The following RPH3AL variants were observed in gnomAD, a reference collection of about 807,000 sequenced individuals.
RPH3AL encodes rab effector Noc2.
In RPH3AL, 38 loss-of-function variants were observed where a neutral mutation model predicts 43.1. That is an observed-to-expected ratio of 0.88 (90% confidence interval 0.68 to 1.15). The LOEUF is 1.15. Ranked by LOEUF, RPH3AL falls within the 50% of genes most tolerant of loss-of-function variation. The probability of loss-of-function intolerance (pLI) is 0.00; values close to 1 mark genes in which losing one functional copy is unlikely to be tolerated. For missense variants in RPH3AL, 462 were observed against 423.2 expected (o/e 1.09, Z -0.81); for synonymous variants, 189 against 176.3 (o/e 1.07, Z -0.57).
intron 6 of RPH3AL, among the ~76,000 whole-genome samples, chr17:263,775 G>T (rs555839893): frequency 6.6e-6 from 1 of 152,178 alleles, no homozygotes; most frequent in African/African-American, 2.4e-5. Context: ...GTGAAGTTAC[G>T]GTTAGTTTGA....
chr17:334,230 G>A (rs151179656), intron 1 of RPH3AL, among the ~76,000 whole-genome samples: 33 of 152,346 alleles, frequency 2.2e-4, no homozygotes, highest in African/African-American at 7.0e-4. Flanking sequence ...GGAGAACCGC[G>A]GCTCGACCCT....
rs185690097 is a variant in RPH3AL, at chr17:345,774, C to T, written c.-213+6938G>A. Among the ~76,000 whole-genome samples, 104 of 129,230 alleles carry T rather than the reference C, an allele frequency of 8.0e-4. 24 individuals are homozygous for T. In the East Asian group the frequency reaches 0.018, roughly 23 times the overall value. The allele number at this position is 129,230 out of a possible 152,430, so 84.8% of individuals were successfully genotyped here. A position where few individuals can be genotyped will look rare whatever the true frequency, so the allele number is the denominator to read the frequency against. ...TCTGCGTGCACACCCTGCTGGGGCA[C>T]GCGTGCTCCCCATCTGCATGCACAC... On this transcript the variant is annotated intron_variant, in intron 1 of 9. Coordinates refer to ENST00000331302, the MANE Select transcript of RPH3AL (RefSeq NM_006987.4).
chr17:260,518 C>T (rs1048427529), intron 6 of RPH3AL, among the ~76,000 whole-genome samples: 1 of 152,210 alleles, frequency 6.6e-6, no homozygotes. Context: ...GAGACCTCGC[C>T]TTCAAGGGAG....
chr17:324,553 G>GTTCTCA lies in RPH3AL; in HGVS notation c.77+2913_77+2914insTGAGAA, dbSNP rs552914831. The stretch of plus-strand genomic sequence containing the variant: ...CGCCCTCGTCTCTCAGCTCACCAGT[G>GTTCTCA]GCTCCCTTGTGTTCTAGGCTTCGTG... On this transcript the variant is annotated intron_variant, in intron 3 of 9. Coordinates refer to ENST00000331302, the MANE Select transcript of RPH3AL (RefSeq NM_006987.4). Among the ~76,000 whole-genome samples, 10 of 152,280 alleles carry GTTCTCA rather than the reference G, an allele frequency of 6.6e-5. No individual in the cohort carries two copies. In the South Asian group the frequency reaches 2.1e-3, roughly 32 times the overall value.
intron 6 of RPH3AL, among the ~76,000 whole-genome samples, chr17:253,571 AC>A (rs2041971853): frequency 6.6e-6 from 1 of 152,072 alleles, no homozygotes; most frequent in Admixed American, 6.5e-5. Context: ...CTGAAGTGCA[AC>A]CCATCTCCAG....
rs2151544507 is a variant in RPH3AL at position 246,869 on chromosome 17, G to C, written c.613+242C>G. 6.6e-6 allele frequency among the ~76,000 whole-genome samples: 1 copy of C among 152,390 alleles called. No homozygotes were observed. Among genetic ancestry groups the C allele is most frequent in the Non-Finnish European group, 1.5e-5 (1 of 68,038 alleles). ...TGCCCCCAGAGCAGTACTTGTATGT[G>C]ATACTGCCCCCCGTGGGCCCTCCCG... On this transcript the variant is annotated intron_variant, in intron 7 of 9. Coordinates refer to ENST00000331302, the MANE Select transcript of RPH3AL (RefSeq NM_006987.4). This position sits in a 1 kb window ranked among gnomAD's most constrained non-coding sequence, Gnocchi z 4.8.
At chr17:273,014 A>AGGGCGACGT (rs2042534371) in intron 6 of RPH3AL, among the ~76,000 whole-genome samples, 1 of 118,284 alleles carries the variant, frequency 8.5e-6, no homozygotes, top group Non-Finnish European at 2.0e-5. Context: ...AGCGAGGGCG[A>AGGGCGACGT]CATCAGGAAG....
At chr17:231,974 A>G (rs9674571) in intron 7 of RPH3AL, among the ~76,000 whole-genome samples, 25,334 of 152,300 alleles carry the variant, frequency 0.17, 2,495 homozygotes, top group Non-Finnish European at 0.22. Context: ...GGAAAGCAAC[A>G]GCGGCTCATT....
At chr17:352,066 G>T (rs1292003710) in intron 1 of RPH3AL, among the ~76,000 whole-genome samples, 1 of 152,144 alleles carries the variant, frequency 6.6e-6, no homozygotes, top group African/African-American at 2.4e-5. Flanking sequence ...GCTCTAAGAC[G>T]CGTGGCCTTG....
At chr17:293,638 C>A (rs1598030639) in intron 5 of RPH3AL, among the ~76,000 whole-genome samples, 1 of 152,106 alleles carries the variant, frequency 6.6e-6, no homozygotes, top group Non-Finnish European at 1.5e-5. Flanking sequence ...GAGGGCCGTG[C>A]AGCACCGGTG....
intron 2 of RPH3AL, 100 bp from the exon 3 acceptor site, chr17:327,679 A>T (rs72806076): frequency 0.037 from 25,460 of 687,326 alleles, 573 homozygotes; most frequent in South Asian, 0.075. Flanking sequence ...CACCATCTCC[A>T]TGCACGATCC....
chr17:344,096 A>T (rs2045190194), intron 1 of RPH3AL, among the ~76,000 whole-genome samples: 1 of 130,866 alleles, frequency 7.6e-6, no homozygotes, highest in Admixed American at 7.3e-5. Flanking sequence ...CATCATTGTC[A>T]CCATCATATT....
At chr17:351,186 G>A (rs2045347534) in intron 1 of RPH3AL, among the ~76,000 whole-genome samples, 1 of 152,174 alleles carries the variant, frequency 6.6e-6, no homozygotes, top group South Asian at 2.1e-4. Context: ...TGTCCTGGGT[G>A]GCTGGGTTGC....
intron 6 of RPH3AL, among the ~76,000 whole-genome samples, chr17:251,347 C>T (rs564503722): frequency 6.6e-6 from 1 of 152,286 alleles, no homozygotes; most frequent in Admixed American, 6.5e-5. Context: ...GCAAAAGTAG[C>T]CAGTCTCCTC....
intron 6 of RPH3AL, among the ~76,000 whole-genome samples, chr17:277,576 A>G (rs1019856118): frequency 3.9e-5 from 6 of 152,238 alleles, no homozygotes; most frequent in Non-Finnish European, 7.3e-5. Context: ...CAGCAGACAG[A>G]GTACCCTTTA....
intron 6 of RPH3AL, among the ~76,000 whole-genome samples, chr17:252,475 G>A (rs1182442485): frequency 6.6e-6 from 1 of 152,110 alleles, no homozygotes; most frequent in Non-Finnish European, 1.5e-5. Flanking sequence ...GGCTAATGTA[G>A]ATGCAACCTG....
intron 7 of RPH3AL, among the ~76,000 whole-genome samples, chr17:236,827 G>T (rs1037785611): frequency 6.6e-6 from 1 of 152,276 alleles, no homozygotes; most frequent in Non-Finnish European, 1.5e-5. Flanking sequence ...AGAACTGAGC[G>T]ACAGCCTGAC....
intron 1 of RPH3AL, among the ~76,000 whole-genome samples, chr17:351,230 A>G (rs1279710044): frequency 6.6e-6 from 1 of 152,042 alleles, no homozygotes; most frequent in Non-Finnish European, 1.5e-5. Flanking sequence ...TTGGCTTCTT[A>G]AACCCTCTTT....
intron 6 of RPH3AL, among the ~76,000 whole-genome samples, chr17:272,878 T>C (rs1597986549): frequency 6.6e-6 from 1 of 150,394 alleles, no homozygotes; most frequent in East Asian, 2.0e-4. Flanking sequence ...AAGGAAGAAA[T>C]AAAGACCCAG....
Sources: allele counts gnomAD v4.1 joint callset (sites outside exome capture counted in the v4.1 genomes callset), GRCh38; gene constraint gnomAD v4.1.1; non-coding constraint Gnocchi (gnomAD v3.1); transcripts MANE v1.5; gene names NCBI Gene and HGNC (gene_info 2026-07-23, HGNC 2026-07-21).